The following ATP8B4 variants were observed in gnomAD, a reference collection of about 807,000 sequenced individuals.
ATP8B4 encodes the protein probable phospholipid-transporting ATPase IM.
ATP8B4 carries 133 observed loss-of-function variants against 145.6 expected under a neutral mutation model. That is an observed-to-expected ratio of 0.91 (90% confidence interval 0.79 to 1.05). ATP8B4 has a LOEUF of 1.05. Among genes scored for constraint, ATP8B4 ranks in the 50% least tolerant of loss-of-function variants. The pLI is 0.00. For missense variants in ATP8B4, 1,458 were observed against 1,425.2 expected (o/e 1.02, Z -0.37); for synonymous variants, 507 against 492.9 (o/e 1.03, Z -0.38).
chr15:50,047,104 G>C (rs1372388908), intron 4 of ATP8B4, among the ~76,000 whole-genome samples: 1 of 152,122 alleles, frequency 6.6e-6, no homozygotes, highest in Non-Finnish European at 1.5e-5. Context: ...CTCTGGTTTG[G>C]TTCAAATAAA....
chr15:49,961,291 G>T (rs2153507544), intron 14 of ATP8B4, among the ~76,000 whole-genome samples: 1 of 152,264 alleles, frequency 6.6e-6, no homozygotes. Context: ...CATAAACTTT[G>T]ATAAAACATT....
At chr15:50,117,385 A>G (rs796999066) in intron 1 of ATP8B4, among the ~76,000 whole-genome samples, 34 of 152,282 alleles carry the variant, frequency 2.2e-4, no homozygotes, top group African/African-American at 7.9e-4. Context: ...TGACAGCTAC[A>G]ATTTCCAATT....
chr15:50,147,511 T>A (rs1268384972), intron 1 of ATP8B4, among the ~76,000 whole-genome samples: 1 of 151,708 alleles, frequency 6.6e-6, no homozygotes, highest in African/African-American at 2.4e-5. Context: ...GGAGTATACC[T>A]GCACCCTGGC....
At chr15:49,888,466 T>C (rs2036454353) in intron 23 of ATP8B4, among the ~76,000 whole-genome samples, 1 of 152,176 alleles carries the variant, frequency 6.6e-6, no homozygotes, top group Non-Finnish European at 1.5e-5. Flanking sequence ...TCACTGACAA[T>C]GATAAATTGT....
chr15:49,921,081 C>A (rs568259788), intron 17 of ATP8B4, among the ~76,000 whole-genome samples: 1 of 152,156 alleles, frequency 6.6e-6, no homozygotes, highest in Non-Finnish European at 1.5e-5. Flanking sequence ...ATAACAATAA[C>A]CTCTAGGGCA....
chr15:50,081,775 T>C (rs1471695087), intron 2 of ATP8B4, among the ~76,000 whole-genome samples: 1 of 152,232 alleles, frequency 6.6e-6, no homozygotes, highest in Non-Finnish European at 1.5e-5. Flanking sequence ...GAATCCCTAA[T>C]TAACAAATAC....
intron 23 of ATP8B4, among the ~76,000 whole-genome samples, chr15:49,890,886 A>T (rs1205870540): frequency 6.6e-6 from 1 of 152,148 alleles, no homozygotes; most frequent in Non-Finnish European, 1.5e-5. Flanking sequence ...TGGCTGGGGA[A>T]CACCAGAGTT....
At chr15:49,879,260 T>G in intron 24 of ATP8B4, 116 bp downstream of exon 24, 1 of 930,694 alleles carries the variant, frequency 1.1e-6, no homozygotes, top group Non-Finnish European at 1.6e-6. Flanking sequence ...CAAAAGCAAC[T>G]AAAACAACTG....
intron 12 of ATP8B4, among the ~76,000 whole-genome samples, chr15:49,977,471 T>C (rs551710457): frequency 3.9e-5 from 6 of 152,098 alleles, no homozygotes; most frequent in African/African-American, 1.4e-4. Flanking sequence ...AGCTTAGGGA[T>C]ATAGGAAAAC....
chr15:50,018,960 C>T (rs1462352693), intron 6 of ATP8B4: 2 of 1,249,062 alleles, frequency 1.6e-6, no homozygotes, highest in East Asian at 5.7e-5. Context: ...AAACCCTCAG[C>T]TTTGTACCTT....
Position 50,170,503 on chromosome 15 carries a change from C to CA in ATP8B4, c.-43+11757dup, listed in dbSNP as rs570477986. ...GAATTCACCATTACCAAACCCCCCC[C>CA]ACCCTCCACAAGAACTGCTAAAGGG... is the stretch of plus-strand genomic sequence containing the variant. On this transcript the variant is annotated intron_variant, in intron 1 of 3. Transcript: ENST00000558829. 1.2e-3 allele frequency among the ~76,000 whole-genome samples: 182 copies of CA among 147,890 alleles called. 2 individuals carry two copies. The East Asian group carries it at 0.023, about 19-fold the overall frequency.
chr15:49,951,346 C>A (rs1299387183), intron 14 of ATP8B4, among the ~76,000 whole-genome samples: 1 of 152,118 alleles, frequency 6.6e-6, no homozygotes, highest in Non-Finnish European at 1.5e-5. Context: ...CTCTGTAGAT[C>A]TCTAAGAACT....
At chr15:49,949,564 T>C (rs1193420523) in intron 14 of ATP8B4, among the ~76,000 whole-genome samples, 3 of 152,204 alleles carry the variant, frequency 2.0e-5, no homozygotes, top group African/African-American at 7.2e-5. Context: ...CAAGAAGTTT[T>C]TGTGCTGAGA....
chr15:49,971,215 G>A (rs1337732562), intron 13 of ATP8B4, among the ~76,000 whole-genome samples: 1 of 152,152 alleles, frequency 6.6e-6, no homozygotes, highest in East Asian at 1.9e-4. Flanking sequence ...CATGGGCAAA[G>A]ACTTCATGAC....
chr15:50,172,161 T>A (rs1357710036), intron 1 of ATP8B4, among the ~76,000 whole-genome samples: 2 of 152,090 alleles, frequency 1.3e-5, no homozygotes, highest in Non-Finnish European at 2.9e-5. Context: ...CCACTCCCGC[T>A]CCCTCTTTGC....
intron 1 of ATP8B4, among the ~76,000 whole-genome samples, chr15:50,149,093 G>C (rs1211542342): frequency 6.6e-6 from 1 of 152,150 alleles, no homozygotes; most frequent in Non-Finnish European, 1.5e-5. Flanking sequence ...GAGATGATAA[G>C]CAGAACTAAT....
chr15:50,174,551 CAAA>C (rs35979987), intron 1 of ATP8B4, among the ~76,000 whole-genome samples: 1 of 80,406 alleles, frequency 1.2e-5, no homozygotes, highest in Non-Finnish European at 2.7e-5. Context: ...ACAATCACTG[CAAA>C]AAAAAAAAAA....
chr15:49,979,918 G>T (rs1470199215), intron 11 of ATP8B4, 105 bp from the exon 12 acceptor site: 8 of 736,646 alleles, frequency 1.1e-5, no homozygotes, highest in Non-Finnish European at 1.7e-5. Flanking sequence ...CATTTGAAAA[G>T]CAAGTATGCA....
chr15:50,086,086 T>C (rs1385847529), intron 2 of ATP8B4, among the ~76,000 whole-genome samples: 2 of 113,608 alleles, frequency 1.8e-5, no homozygotes, highest in Non-Finnish European at 3.2e-5. Flanking sequence ...TATAGAACTA[T>C]ACTTATTATA....
Sources: gnomAD v4.1 joint callset for allele counts (sites outside exome capture counted in the v4.1 genomes callset) on GRCh38, gnomAD v4.1.1 for gene constraint, MANE v1.5 for transcripts, NCBI Gene and HGNC (gene_info 2026-07-23, HGNC 2026-07-21) for gene names.